Variants in PLEKHN1 observed in about 807,000 individuals in gnomAD.
The protein encoded by PLEKHN1 is pleckstrin homology domain-containing family N member 1.
A neutral mutation model predicts 72.8 loss-of-function variants in PLEKHN1; 68 were observed. That is an observed-to-expected ratio of 0.93 (90% CI 0.77 to 1.14). The LOEUF (loss-of-function observed/expected upper bound fraction) is 1.14, where lower values mean the gene tolerates loss of function less well. Ranked by LOEUF, PLEKHN1 falls within the 50% of genes most tolerant of loss-of-function variation. The pLI is 0.00. For missense variants in PLEKHN1, 1,015 were observed against 840.5 expected (o/e 1.21, Z -2.57); for synonymous variants, 454 against 371.6 (o/e 1.22, Z -2.55).
rs1643424501 is a variant in PLEKHN1, at chr1:973,109, G to A, written c.1153-77G>A. On this transcript the variant is annotated intron_variant, in intron 11 of 15. Transcript: ENST00000379410. ...TCCTCAGGGGAACTCAGACTGGAGG[G>A]AGCCCCTTGCAGCCTCAGAGAGTTG... 4 of 1,503,666 alleles carry A rather than the reference G, an allele frequency of 2.7e-6. No homozygotes were observed. In the South Asian group the frequency reaches 3.9e-5, roughly 14 times the overall value. 93.1% of individuals were successfully genotyped at this position (1,503,666 alleles called of 1,614,324 possible). A position where few individuals can be genotyped will look rare whatever the true frequency, so the allele number is the denominator to read the frequency against.
At position 970,354 on chromosome 1, in the gene PLEKHN1, G is replaced by A. The variant is rs372006971; in HGVS notation, c.261G>A (p.Arg87=). The part of the protein sequence containing the change: ...FLSVFKKGRR[R]VPVRNLGKVV... ...GTGTGTTCAAGAAGGGGCGGCGGAGGGTGCCTGTGAGGAACCTGGGAAAAG... is the reference window on the plus strand; with the variant it reads ...GTGTGTTCAAGAAGGGGCGGCGGAGAGTGCCTGTGAGGAACCTGGGAAAAG... Residue 87 remains arginine, a synonymous_variant, in exon 3 of 16, where the codon AGG becomes AGA. Coordinates refer to ENST00000379410, the MANE Select transcript of PLEKHN1 (RefSeq NM_032129.3). This position sits in a 1 kb window ranked among gnomAD's most constrained non-coding sequence, Gnocchi z 4.2. 1.3e-5 allele frequency: 21 copies of A among 1,613,426 alleles called. No individual in the cohort carries two copies. Among genetic ancestry groups the A allele is most frequent in the South Asian group, 4.4e-5 (4 of 91,082 alleles).
chr1:971,016 G>T lies in PLEKHN1; in HGVS notation c.612+10G>T, dbSNP rs760005499. ...CTCGGCACCCCCACAGGTCAGTGCCGGGGACCCCACCCCCCTCCCCACCCT... is the reference window on the plus strand; with the variant it reads ...CTCGGCACCCCCACAGGTCAGTGCCTGGGACCCCACCCCCCTCCCCACCCT... On this transcript the variant is annotated intron_variant, in intron 6 of 15. Coordinates refer to ENST00000379410, the MANE Select transcript of PLEKHN1 (RefSeq NM_032129.3). 1 of 1,595,556 alleles carries T rather than the reference G, an allele frequency of 6.3e-7. No individual in the cohort carries two copies. Among genetic ancestry groups the T allele is most frequent in the East Asian group, 2.3e-5 (1 of 44,024 alleles).
In PLEKHN1 at chr1:970,635, C is replaced by G; in HGVS notation, c.411+34C>G. The stretch of plus-strand genomic sequence containing the variant: ...GTGGGCAATGGGGTGGGGCCATGGC[C>G]GCCCTTCCCTCCATGGATCCCTGAA... On this transcript the variant is annotated intron_variant, in intron 4 of 15. Transcript: ENST00000379410. The surrounding 1 kb of genome is among the most constrained non-coding windows in gnomAD (Gnocchi z 4.2). 6.2e-7 allele frequency: 1 copy of G among 1,605,772 alleles called. No homozygotes were observed.
Position 972,138 on chromosome 1 carries a change from T to C in PLEKHN1, c.853T>C (p.Phe285Leu), listed in dbSNP as rs768072643. Reference protein sequence around the residue: ...LEEKEKQIRSFLIEGPLINTI... With the variant: ...LEEKEKQIRSLLIEGPLINTI... ...GGAGAAGGAGAAGCAGATCCGCTCC[T>C]TCCTGATTGAAGGTAGGGCCCTGAC... The change falls in exon 9 of 16, where the codon TTC becomes CTC. Residue 285 changes from phenylalanine to leucine, a missense_variant. By Grantham distance (22) the Phe-to-Leu change is conservative. Coordinates refer to ENST00000379410, the MANE Select transcript of PLEKHN1 (RefSeq NM_032129.3). The C allele has an allele frequency of 1.2e-6, 2 of 1,613,060 alleles. No homozygotes were observed. The highest frequency in any genetic ancestry group is 3.3e-5 in the Admixed American group (2 of 60,016).
Position 970,683 on chromosome 1 carries a change from C to T in PLEKHN1, c.412-3C>T. 1.9e-6 allele frequency: 3 copies of T among 1,595,666 alleles called. No individual in the cohort carries two copies. Among genetic ancestry groups the T allele is most frequent in the East Asian group, 2.2e-5 (1 of 44,628 alleles). On this transcript the variant is annotated splice_polypyrimidine_tract_variant and splice_region_variant and intron_variant, in intron 4 of 15. Coordinates refer to ENST00000379410, the MANE Select transcript of PLEKHN1 (RefSeq NM_032129.3). The surrounding 1 kb of genome is among the most constrained non-coding windows in gnomAD (Gnocchi z 4.2). ...GAAGCTCCTCCTACCCTGTGCCTGGCAGGGGCTGTTACCGCTGACGGAGCT... is the reference window on the plus strand; with the variant it reads ...GAAGCTCCTCCTACCCTGTGCCTGGTAGGGGCTGTTACCGCTGACGGAGCT...
rs201074437 is a variant in PLEKHN1 at position 973,609 on chromosome 1, G to T, written c.1403G>T (p.Arg468Leu). The change falls in exon 13 of 16, where the codon CGC becomes CTC. Residue 468 changes from arginine (R) to leucine (L), a missense_variant. Arg to Leu is a moderately radical substitution (Grantham distance 102). Coordinates refer to ENST00000379410, the MANE Select transcript of PLEKHN1 (RefSeq NM_032129.3). Reference sequence around the variant, plus strand: ...TACACACCACCCGCCACCTCCCACCGCAGGGTCACAGATGTCCGGGGCCTG... The same window carrying T: ...TACACACCACCCGCCACCTCCCACCTCAGGGTCACAGATGTCCGGGGCCTG... Reference protein sequence around the residue: ...DPYTPPATSHRRVTDVRGLEE... With the variant: ...DPYTPPATSHLRVTDVRGLEE... The T allele has an allele frequency of 1.2e-6, 2 of 1,613,006 alleles. No individual in the cohort carries two copies. The highest frequency in any genetic ancestry group is 1.7e-6 in the Non-Finnish European group (2 of 1,179,952).
At position 970,841 on chromosome 1, in the gene PLEKHN1, G is replaced by GT. The variant is rs1557647140; in HGVS notation, c.485-37dup. 1.2e-6 allele frequency: 2 copies of GT among 1,612,316 alleles called. No homozygotes were observed. Among genetic ancestry groups the GT allele is most frequent in the Admixed American group, 1.7e-5 (1 of 60,000 alleles). ...GGCCTGCCCTGTGGCTGCGGAGCACGTGTGTGTATGTGTGTGCCCTCTCTG... is the reference window on the plus strand; with the variant it reads ...GGCCTGCCCTGTGGCTGCGGAGCACGTTGTGTGTATGTGTGTGCCCTCTCTG... On this transcript the variant is annotated intron_variant, in intron 5 of 15. Coordinates refer to ENST00000379410, the MANE Select transcript of PLEKHN1 (RefSeq NM_032129.3). The surrounding 1 kb of genome is among the most constrained non-coding windows in gnomAD (Gnocchi z 4.2).
At chr1:972,781 G>A (rs1643407085) in intron 10 of PLEKHN1, 80 bp from the exon 11 acceptor site, 2 of 1,432,292 alleles carry the variant, frequency 1.4e-6, no homozygotes, top group Non-Finnish European at 1.8e-6. Context: ...GATAAAAGGG[G>A]GGACAGCACG....
chr1:972,062 C>T lies in PLEKHN1; in HGVS notation c.790-13C>T, dbSNP rs1643358498. 4 of 1,611,364 alleles carry T rather than the reference C, an allele frequency of 2.5e-6. No individual in the cohort carries two copies. Among genetic ancestry groups the T allele is most frequent in the Non-Finnish European group, 2.5e-6 (3 of 1,179,042 alleles). On this transcript the variant is annotated splice_polypyrimidine_tract_variant and intron_variant, in intron 8 of 15. Transcript: ENST00000379410. ...CCCCTACAAAGGCCTGGCCCTCAAT[C>T]TCTGCTCCGCAGGGGGAGCTCCCAC...
chr1:974,209 G>T, intron 14 of PLEKHN1, 107 bp from the exon 15 acceptor site: 1 of 1,551,406 alleles, frequency 6.4e-7, no homozygotes, highest in African/African-American at 1.4e-5. Flanking sequence ...AGATGGGACT[G>T]GGGAGGGAGA....
rs779838807 is a variant in PLEKHN1, at chr1:974,023, G to T, written c.1625G>T (p.Gly542Val). 2 of 1,598,268 alleles carry T rather than the reference G, an allele frequency of 1.3e-6. No homozygotes were observed. The highest frequency in any genetic ancestry group is 1.7e-6 in the Non-Finnish European group (2 of 1,174,978). Residue 542 changes from glycine to valine, a missense_variant, in exon 14 of 16, where the codon GGG becomes GTG. Gly to Val is a moderately radical substitution (Grantham distance 109, BLOSUM62 -3). Transcript: ENST00000379410. The stretch of plus-strand genomic sequence containing the variant: ...CACCGGGGCTCAGCCAAGGATGGGG[G>T]GCCGCAGCCCCCAGACGCCCCTCAG... Reference protein sequence around the residue: ...QRHRGSAKDGGPQPPDAPQLV... With the variant: ...QRHRGSAKDGVPQPPDAPQLV...
chr1:966,950 C>G (rs1167672130), intron 2 of PLEKHN1, 147 bp downstream of exon 2: 14 of 865,850 alleles, frequency 1.6e-5, no homozygotes, highest in Non-Finnish European at 2.4e-5. Context: ...GACTGCCCCG[C>G]CCTGGGGAGC....
rs769522324 is a variant in PLEKHN1, at chr1:972,972, G to C, written c.1114G>C (p.Val372Leu). 1 of 1,589,758 alleles carries C rather than the reference G, an allele frequency of 6.3e-7. No individual in the cohort carries two copies. Among genetic ancestry groups the C allele is most frequent in the Non-Finnish European group, 8.6e-7 (1 of 1,167,604 alleles). ...RTSHSLPESS[V>L]PSTVGCSSQH... is the part of the protein sequence containing the mutation. ...CAGCCACTCCCTGCCTGAGTCCTCA[G>C]TGCCATCCACCGTGGGCTGCTCCTC... Residue 372 changes from valine to leucine, a missense_variant, in exon 11 of 16, where the codon GTG becomes CTG. Transcript: ENST00000379410.
intron 2 of PLEKHN1, among the ~76,000 whole-genome samples, chr1:968,667 A>T (rs1643130606): frequency 6.6e-6 from 1 of 152,212 alleles, no homozygotes; most frequent in Non-Finnish European, 1.5e-5. Flanking sequence ...CTAAGGAGAA[A>T]AACAGAGGGG....
intron 10 of PLEKHN1, among the ~76,000 whole-genome samples, 161 bp downstream of exon 10, chr1:972,585 G>A (rs1450965948): frequency 6.6e-6 from 1 of 152,110 alleles, no homozygotes; most frequent in Non-Finnish European, 1.5e-5. Context: ...GACCGACGTG[G>A]AGAAACCCTG....
intron 9 of PLEKHN1, 57 bp downstream of exon 9, chr1:972,207 G>A (rs1643371232): frequency 6.2e-6 from 10 of 1,604,276 alleles, no homozygotes; most frequent in South Asian, 1.1e-5. Context: ...TGGGGCGGGA[G>A]CCTGGGGGAC....
rs937541390 is a variant in PLEKHN1 at position 966,526 on chromosome 1, C to T, written c.-6C>T. On this transcript the variant is annotated 5_prime_UTR_variant, in exon 1 of 16. Transcript: ENST00000379410. ...CCCAGACTTGCCGACCTGTACGACT[C>T]TGGCCATGGGGAACAGCCACTGTGT... 13 of 1,602,076 alleles carry T rather than the reference C, an allele frequency of 8.1e-6. No homozygotes were observed. Among genetic ancestry groups the T allele is most frequent in the African/African-American group, 1.3e-5 (1 of 74,652 alleles).
Position 970,039 on chromosome 1 carries a change from T to G in PLEKHN1, c.184-238T>G, listed in dbSNP as rs1367862239. Among the ~76,000 whole-genome samples, 1 of 147,986 alleles carries G rather than the reference T, an allele frequency of 6.8e-6. No individual in the cohort carries two copies. Among genetic ancestry groups the G allele is most frequent in the African/African-American group, 2.5e-5 (1 of 40,254 alleles). ...CAGGTTCTGTGCCTGTGGGGGGCTGTTCTTCACGTATGTGTTGTGTGGCTG... is the reference window on the plus strand; with the variant it reads ...CAGGTTCTGTGCCTGTGGGGGGCTGGTCTTCACGTATGTGTTGTGTGGCTG... On this transcript the variant is annotated intron_variant, in intron 2 of 15. Coordinates refer to ENST00000379410, the MANE Select transcript of PLEKHN1 (RefSeq NM_032129.3). This position sits in a 1 kb window ranked among gnomAD's most constrained non-coding sequence, Gnocchi z 4.2.
At position 970,433 on chromosome 1, in the gene PLEKHN1, G is replaced by C; in HGVS notation, c.330+10G>C. On this transcript the variant is annotated intron_variant, in intron 3 of 15. Transcript: ENST00000379410. The surrounding 1 kb of genome is among the most constrained non-coding windows in gnomAD (Gnocchi z 4.2). ...GTTCCAGCACAGCCAGGTGGGGGCC[G>C]GGCTGGGTGGAGCACGCTAAGGGTG... is the stretch of plus-strand genomic sequence containing the variant. 1.2e-6 allele frequency: 2 copies of C among 1,613,214 alleles called. No homozygotes were observed. Among genetic ancestry groups the C allele is most frequent in the Non-Finnish European group, 1.7e-6 (2 of 1,179,924 alleles).
Sources: gnomAD v4.1 joint callset for allele counts (sites outside exome capture counted in the v4.1 genomes callset) on GRCh38, gnomAD v4.1.1 for gene constraint, Gnocchi (gnomAD v3.1) non-coding constraint, MANE v1.5 for transcripts, NCBI Gene and HGNC (gene_info 2026-07-23, HGNC 2026-07-21) for gene names.